The following FCGR1A variants were observed in gnomAD, a reference collection of about 807,000 sequenced individuals.
The protein encoded by FCGR1A is high affinity immunoglobulin gamma Fc receptor I.
In FCGR1A, 13 loss-of-function variants were observed where a neutral mutation model predicts 35.0. The observed-to-expected ratio is 0.37, with a 90% CI of 0.24 to 0.59. The LOEUF (loss-of-function observed/expected upper bound fraction) is 0.59, where lower values mean the gene tolerates loss of function less well. FCGR1A is among the 20% of genes least tolerant of loss of function. The pLI is 0.71. For missense variants in FCGR1A, 227 were observed against 430.0 expected, an observed-to-expected ratio of 0.53 and a Z score of 4.17; for synonymous variants, 91 against 164.7, an observed-to-expected ratio of 0.55 and a Z score of 3.43.
intron 3 of FCGR1A, among the ~76,000 whole-genome samples, chr1:149,785,017 AATT>A (rs2091504098): frequency 6.6e-6 from 1 of 152,208 alleles, no homozygotes; most frequent in Non-Finnish European, 1.5e-5. Context: ...CTGGACATGG[AATT>A]ATTGTCATAT....
chr1:149,786,476 G>A (rs1253839656), intron 3 of FCGR1A: 4 of 152,162 alleles, frequency 2.6e-5, no homozygotes, highest in South Asian at 2.1e-4. Context: ...GGTTGGTGCC[G>A]TCTATGCCCT....
At chr1:149,785,825 C>G (rs1385072813) in intron 3 of FCGR1A, 4 of 151,960 alleles carry the variant, frequency 2.6e-5, no homozygotes, top group Non-Finnish European at 5.9e-5. Context: ...TCTAGTCCAC[C>G]CCTGACACTG....
chr1:149,787,866 G>GCACTCT (rs2091594313), intron 3 of FCGR1A: 1 of 195,022 alleles, frequency 5.1e-6, no homozygotes, highest in Non-Finnish European at 1.1e-5. Flanking sequence ...TTGCCTTGTG[G>GCACTCT]CACTCTTGTA....
chr1:149,784,812 G>T (rs1490020372), intron 3 of FCGR1A, among the ~76,000 whole-genome samples: 4 of 151,332 alleles, frequency 2.6e-5, no homozygotes, highest in African/African-American at 7.3e-5. Flanking sequence ...ATACCTTAAA[G>T]TTCTGTTTAT....
the FCGR1A span, among the ~76,000 whole-genome samples, chr1:149,798,668 A>G: frequency 1.3e-5 from 2 of 151,888 alleles, no homozygotes; most frequent in Non-Finnish European, 2.9e-5. Flanking sequence ...CCAGAGTGCA[A>G]AGGTGCAATC....
chr1:149,792,738 C>G (rs1553752187), downstream of FCGR1A: 2 of 1,283,900 alleles, frequency 1.6e-6, no homozygotes, highest in African/African-American at 3.1e-5. Flanking sequence ...TCCGCGCCCC[C>G]GCCAAAACCC....
the FCGR1A span, among the ~76,000 whole-genome samples, chr1:149,797,511 G>A: frequency 6.6e-6 from 1 of 152,050 alleles, no homozygotes; most frequent in African/African-American, 2.4e-5. Context: ...CATTTTGGTG[G>A]AATAGGAAGG....
At chr1:149,785,217 T>C (rs1453589340) in intron 3 of FCGR1A, among the ~76,000 whole-genome samples, 2 of 152,172 alleles carry the variant, frequency 1.3e-5, no homozygotes, top group South Asian at 2.1e-4. Flanking sequence ...AAAATGATAA[T>C]GCAAAAGTCA....
At chr1:149,785,975 G>C (rs1377994729) in intron 3 of FCGR1A, 1 of 152,048 alleles carries the variant, frequency 6.6e-6, no homozygotes, top group Non-Finnish European at 1.5e-5. Context: ...GTAAATTGAA[G>C]TTCATTTGTT....
At chr1:149,800,067 A>C in the FCGR1A span, among the ~76,000 whole-genome samples, 1 of 151,912 alleles carries the variant, frequency 6.6e-6, no homozygotes, top group Non-Finnish European at 1.5e-5. Flanking sequence ...AACCATTTCC[A>C]AGCTGGGGTT....
Position 149,790,106 on chromosome 1 carries a change from G to T in FCGR1A, c.612G>T (p.Glu204Asp), listed in dbSNP as rs782609134. Residue 204 changes from glutamate to aspartate, a missense_variant, in exon 5 of 6, where the codon GAG becomes GAT. By Grantham distance (45) the Glu-to-Asp change is conservative. Around this residue, in one of 3 missense-constraint regions of FCGR1A, gnomAD observed 185 missense variants for 306.6 expected, o/e 0.60. Coordinates refer to ENST00000369168, the MANE Select transcript of FCGR1A (RefSeq NM_000566.4). ...CATCTGTGACATCCCCACTCCTGGA[G>T]GGGAATCTGGTCACCCTGAGCTGTG... The part of the protein sequence containing the change: ...LNASVTSPLL[E>D]GNLVTLSCET... 3 of 1,613,854 alleles carry T rather than the reference G, an allele frequency of 1.9e-6. No homozygotes were observed. The highest frequency in any genetic ancestry group is 2.5e-6 in the Non-Finnish European group (3 of 1,179,870).
intron 3 of FCGR1A, among the ~76,000 whole-genome samples, chr1:149,784,483 A>G (rs1261598462): frequency 2.0e-5 from 3 of 152,118 alleles, no homozygotes; most frequent in African/African-American, 7.2e-5. Context: ...GGATGTCTAG[A>G]GTAAGACTTA....
chr1:149,790,428 C>G, intron 5 of FCGR1A, 90 bp downstream of exon 5: 1 of 1,544,798 alleles, frequency 6.5e-7, no homozygotes, highest in Non-Finnish European at 8.7e-7. Flanking sequence ...GTTTTTGGCC[C>G]AGACAGGAGG....
At chr1:149,797,787 AG>A in the FCGR1A span, among the ~76,000 whole-genome samples, 8,069 of 152,268 alleles carry the variant, frequency 0.053, 301 homozygotes, top group Non-Finnish European at 0.081. Flanking sequence ...TTGGAGACAC[AG>A]GGTCCTGCCA....
chr1:149,798,778 A>G, the FCGR1A span, among the ~76,000 whole-genome samples: 28 of 152,226 alleles, frequency 1.8e-4, no homozygotes, highest in African/African-American at 6.5e-4. Flanking sequence ...TGCCTGGCTA[A>G]TATTTTTACT....
chr1:149,796,952 AC>A, the FCGR1A span, among the ~76,000 whole-genome samples: 1 of 152,176 alleles, frequency 6.6e-6, no homozygotes, highest in African/African-American at 2.4e-5. Context: ...TCGTTGTGTC[AC>A]CCAGGCTGGA....
intron 4 of FCGR1A, among the ~76,000 whole-genome samples, chr1:149,789,234 C>A (rs1418174730): frequency 6.6e-6 from 1 of 151,482 alleles, no homozygotes; most frequent in Non-Finnish European, 1.5e-5. Context: ...AAGTCAGGAA[C>A]AAAAATAATG....
intron 3 of FCGR1A, chr1:149,787,347 T>G (rs1394735285): frequency 2.0e-5 from 3 of 152,240 alleles, no homozygotes; most frequent in African/African-American, 7.2e-5. Flanking sequence ...CCAAACCAAC[T>G]GCCTCTGGAG....
chr1:149,788,727 G>C (rs1462914046), intron 4 of FCGR1A, 110 bp downstream of exon 4: 2 of 1,332,484 alleles, frequency 1.5e-6, no homozygotes, highest in African/African-American at 2.9e-5. Flanking sequence ...GGGCTCCAGA[G>C]AGGTAAACTG....
Sources: gnomAD v4.1 joint callset for allele counts (sites outside exome capture counted in the v4.1 genomes callset) on GRCh38, gnomAD v4.1.1 for gene constraint, gnomAD v4.1.1 regional missense constraint, MANE v1.5 for transcripts, NCBI Gene and HGNC (gene_info 2026-07-23, HGNC 2026-07-21) for gene names.